PPP1R9A: variants seen among roughly 807,000 people sequenced by gnomAD.
PPP1R9A encodes protein phosphatase 1 regulatory subunit 9A.
In PPP1R9A, 59 loss-of-function variants were observed where a neutral mutation model predicts 141.9. The observed-to-expected ratio is 0.42, with a 90% CI of 0.34 to 0.52. The LOEUF is 0.52. Ranked by LOEUF, PPP1R9A falls within the 20% of genes least tolerant of loss-of-function variation. The pLI is 0.10. For missense variants in PPP1R9A, 1,444 were observed against 1,611.9 expected (o/e 0.90, Z 1.78); for synonymous variants, 500 against 569.7 (o/e 0.88, Z 1.74).
At chr7:95,225,690 A>G (rs539635372) in intron 7 of PPP1R9A, among the ~76,000 whole-genome samples, 1 of 152,294 alleles carries the variant, frequency 6.6e-6, no homozygotes, top group African/African-American at 2.4e-5. Context: ...AATACTCAGA[A>G]AAAACAACTC....
intron 2 of PPP1R9A, among the ~76,000 whole-genome samples, chr7:95,004,020 G>A (rs1803286115): frequency 6.6e-6 from 1 of 152,076 alleles, no homozygotes; most frequent in Admixed American, 6.6e-5. Context: ...TGGAAGTAAA[G>A]TTCTTGGATG....
chr7:94,971,239 C>G (rs1041031576), intron 2 of PPP1R9A, among the ~76,000 whole-genome samples: 2 of 152,086 alleles, frequency 1.3e-5, no homozygotes. Flanking sequence ...TGGGGGAGGT[C>G]TAGGAAGATT....
chr7:94,951,134 T>C (rs1796426024), intron 2 of PPP1R9A, among the ~76,000 whole-genome samples: 1 of 152,140 alleles, frequency 6.6e-6, no homozygotes, highest in Non-Finnish European at 1.5e-5. Context: ...TGCCTGCAGA[T>C]TTCAGATTTT....
rs1276940407 is a variant in PPP1R9A, at chr7:94,910,567, G to C, written c.454G>C (p.Glu152Gln). 6.2e-7 allele frequency: 1 copy of C among 1,614,166 alleles called. No homozygotes were observed. The highest frequency in any genetic ancestry group is 1.1e-5 in the South Asian group (1 of 91,080). Residue 152 changes from glutamate (E) to glutamine (Q), a missense_variant, in exon 2 of 20, where the codon GAA becomes CAA. This residue lies in a region of PPP1R9A where 490 missense variants were observed against 521.1 expected (regional missense o/e 0.94). Coordinates refer to ENST00000433360, the MANE Select transcript of PPP1R9A (RefSeq NM_001166160.2). The surrounding 1 kb of genome is among the most constrained non-coding windows in gnomAD (Gnocchi z 4.5). ...TRKMFERSVH[E>Q]SGQNNRYSPK... ...AAAGATGTTTGAGAGAAGTGTGCAT[G>C]AATCAGGACAGAACAACCGCTATTC...
At chr7:95,215,129 A>AC (rs1793044764) in intron 7 of PPP1R9A, among the ~76,000 whole-genome samples, 1 of 55,774 alleles carries the variant, frequency 1.8e-5, no homozygotes, top group South Asian at 7.5e-4. Context: ...CCCTCCCCCC[A>AC]CCCACAACAG....
intron 12 of PPP1R9A, among the ~76,000 whole-genome samples, chr7:95,258,014 TC>T (rs569523664): frequency 3.5e-4 from 53 of 152,336 alleles, no homozygotes; most frequent in Admixed American, 6.5e-4. Flanking sequence ...TGATTTATAA[TC>T]CTTTGGGTAT....
chr7:95,290,442 G>A lies in PPP1R9A; in HGVS notation c.*139G>A, dbSNP rs551056604. On this transcript the variant is annotated 3_prime_UTR_variant, in exon 20 of 20. Coordinates refer to ENST00000433360, the MANE Select transcript of PPP1R9A (RefSeq NM_001166160.2). ...TAGGCCGGCTGAGGAACTGTGTGTTGAATAACTGCATTTTCTGCAATAGAA... is the reference window on the plus strand; with the variant it reads ...TAGGCCGGCTGAGGAACTGTGTGTTAAATAACTGCATTTTCTGCAATAGAA... 1.7e-5 allele frequency: 16 copies of A among 940,062 alleles called. No homozygotes were observed. The highest frequency in any genetic ancestry group is 2.3e-5 in the Non-Finnish European group (15 of 644,302). 58.2% of individuals were successfully genotyped at this position (940,062 alleles called of 1,614,324 possible).
intron 2 of PPP1R9A, among the ~76,000 whole-genome samples, chr7:94,978,393 A>G (rs147818989): frequency 6.6e-6 from 1 of 152,348 alleles, no homozygotes; most frequent in African/African-American, 2.4e-5. Flanking sequence ...TGGCTACTGA[A>G]AGAATAAATG....
At chr7:95,159,939 AAAAG>A (rs1554533980) in intron 4 of PPP1R9A, among the ~76,000 whole-genome samples, 10 of 141,592 alleles carry the variant, frequency 7.1e-5, no homozygotes, top group African/African-American at 1.0e-4. Flanking sequence ...AAAAAAAAAA[AAAAG>A]AAAGAAAGAA....
At position 95,060,522 on chromosome 7, in the gene PPP1R9A, A is replaced by T. The variant is rs537599492; in HGVS notation, c.1396-50737A>T. Among the ~76,000 whole-genome samples the T allele has an allele frequency of 1.4e-4, 22 of 152,180 alleles. 1 individual carries two copies. On this transcript the variant is annotated intron_variant, in intron 2 of 19. Coordinates refer to ENST00000433360, the MANE Select transcript of PPP1R9A (RefSeq NM_001166160.2). ...GTGCCAAATAAGAGGGTCTTTTATG[A>T]GTAGGACTGTAAACTGAGGTCTGCT... is the stretch of plus-strand genomic sequence containing the variant.
At chr7:95,011,363 A>G (rs1009375161) in intron 2 of PPP1R9A, among the ~76,000 whole-genome samples, 2 of 152,128 alleles carry the variant, frequency 1.3e-5, no homozygotes, top group Non-Finnish European at 2.9e-5. Context: ...GCTCTGTTCT[A>G]TGAGCTACTG....
chr7:95,108,441 G>A (rs998643347), intron 2 of PPP1R9A, among the ~76,000 whole-genome samples: 6 of 148,302 alleles, frequency 4.0e-5, no homozygotes, highest in African/African-American at 1.5e-4. Context: ...CTCCCTAGTA[G>A]CTGGGACTAC....
intron 16 of PPP1R9A, among the ~76,000 whole-genome samples, chr7:95,278,201 T>C (rs1394854900): frequency 6.6e-6 from 1 of 152,194 alleles, no homozygotes; most frequent in Admixed American, 6.5e-5. Context: ...ACTGCATGGC[T>C]CTGACTTCCC....
intron 8 of PPP1R9A, among the ~76,000 whole-genome samples, chr7:95,247,115 C>T (rs1413854165): frequency 6.6e-6 from 1 of 152,150 alleles, no homozygotes; most frequent in Non-Finnish European, 1.5e-5. Flanking sequence ...ACTATCAGCT[C>T]ACTTGCCTGT....
At position 95,226,120 on chromosome 7, in the gene PPP1R9A, T is replaced by C. The variant is rs1361147410; in HGVS notation, c.2112+4T>C. The C allele has an allele frequency of 6.2e-7, 1 of 1,610,488 alleles. No individual in the cohort carries two copies. Among genetic ancestry groups the C allele is most frequent in the African/African-American group, 1.3e-5 (1 of 74,834 alleles). ...GCTCAGTCACAAGTTCAAAGAGGTA[T>C]GCCACTAAGCTGCAAAATATTTCTT... On this transcript the variant is annotated splice_donor_region_variant and intron_variant, in intron 8 of 19. Coordinates refer to ENST00000433360, the MANE Select transcript of PPP1R9A (RefSeq NM_001166160.2).
intron 9 of PPP1R9A, among the ~76,000 whole-genome samples, chr7:95,249,662 T>C (rs904153506): frequency 1.3e-5 from 2 of 152,016 alleles, no homozygotes; most frequent in African/African-American, 4.8e-5. Context: ...TTATATATAA[T>C]TATATATTTT....
At chr7:94,954,945 C>T (rs1053909672) in intron 2 of PPP1R9A, among the ~76,000 whole-genome samples, 6 of 151,222 alleles carry the variant, frequency 4.0e-5, no homozygotes, top group African/African-American at 1.5e-4. Context: ...TCTTACTCTC[C>T]TTGTGAACCA....
intron 2 of PPP1R9A, among the ~76,000 whole-genome samples, chr7:94,973,159 A>G (rs1406103788): frequency 6.6e-6 from 1 of 152,224 alleles, no homozygotes; most frequent in Non-Finnish European, 1.5e-5. Flanking sequence ...TGTGAAAACA[A>G]GAAACCTCCA....
intron 1 of PPP1R9A, among the ~76,000 whole-genome samples, chr7:94,909,504 G>A (rs1268845696): frequency 6.6e-6 from 1 of 152,160 alleles, no homozygotes; most frequent in African/African-American, 2.4e-5. Flanking sequence ...CCTAAATGAA[G>A]TTGATTTTCT....
Sources: allele counts gnomAD v4.1 joint callset (sites outside exome capture counted in the v4.1 genomes callset), GRCh38; gene constraint gnomAD v4.1.1; regional missense constraint gnomAD v4.1.1; non-coding constraint Gnocchi (gnomAD v3.1); transcripts MANE v1.5; gene names NCBI Gene and HGNC (gene_info 2026-07-23, HGNC 2026-07-21).